The following MLIP variants were observed in gnomAD, a reference collection of about 807,000 sequenced individuals.
The protein encoded by MLIP is muscular LMNA interacting protein.
A neutral mutation model predicts 84.8 loss-of-function variants in MLIP; 79 were observed. The observed-to-expected ratio is 0.93, with a 90% CI of 0.78 to 1.12. MLIP has a LOEUF of 1.12. Among genes scored for constraint, MLIP ranks in the 50% most tolerant of loss-of-function variants. MLIP has a pLI of 0.00. For synonymous variants in MLIP, 504 were observed against 463.0 expected (o/e 1.09, Z -1.14); for missense variants, 1,257 against 1,160.6 (o/e 1.08, Z -1.21).
chr6:54,117,949 C>CAAA (rs1770094775), intron 1 of MLIP, among the ~76,000 whole-genome samples: 2 of 126,466 alleles, frequency 1.6e-5, no homozygotes, highest in Non-Finnish European at 3.2e-5. Context: ...TGTCTCAAAA[C>CAAA]AACAACAACA....
At chr6:54,262,244 G>A (rs1460028877) in intron 13 of MLIP, among the ~76,000 whole-genome samples, 1 of 152,012 alleles carries the variant, frequency 6.6e-6, no homozygotes, top group Non-Finnish European at 1.5e-5. Flanking sequence ...TAGGGTAGTA[G>A]AGAAAGAAAA....
At chr6:54,250,734 A>T (rs1467769386) in intron 12 of MLIP, among the ~76,000 whole-genome samples, 1 of 152,048 alleles carries the variant, frequency 6.6e-6, no homozygotes, top group East Asian at 1.9e-4. Flanking sequence ...CTATTTTTCA[A>T]CCAGCCCAAT....
chr6:54,232,824 T>C (rs758652141), intron 12 of MLIP, among the ~76,000 whole-genome samples: 1 of 152,178 alleles, frequency 6.6e-6, no homozygotes, highest in Non-Finnish European at 1.5e-5. Flanking sequence ...ATCTCCAAAC[T>C]CAAATCTTCC....
chr6:54,234,104 G>A (rs184484094), intron 12 of MLIP, among the ~76,000 whole-genome samples: 12 of 151,982 alleles, frequency 7.9e-5, no homozygotes, highest in African/African-American at 2.9e-4. Context: ...TTAGCCCTTT[G>A]ACAGAAGGAT....
chr6:54,128,238 A>T (rs959663407), intron 3 of MLIP, among the ~76,000 whole-genome samples: 7 of 152,162 alleles, frequency 4.6e-5, no homozygotes, highest in Admixed American at 2.0e-4. Context: ...GATATCTAGA[A>T]AGAAGTTGGA....
intron 13 of MLIP, among the ~76,000 whole-genome samples, chr6:54,260,033 C>A (rs1783279164): frequency 6.6e-6 from 1 of 151,800 alleles, no homozygotes; most frequent in African/African-American, 2.4e-5. Flanking sequence ...TATGGAAAAG[C>A]CCTTGATGGT....
chr6:54,025,321 G>A (rs1211589776), intron 1 of MLIP, among the ~76,000 whole-genome samples: 1 of 152,116 alleles, frequency 6.6e-6, no homozygotes, highest in Non-Finnish European at 1.5e-5. Flanking sequence ...ATTACTTTCC[G>A]TATGGCTTGA....
Position 54,124,625 on chromosome 6 carries a change from C to T in MLIP, c.405C>T (p.Leu135=). The T allele has an allele frequency of 6.2e-7, 1 of 1,614,168 alleles. No homozygotes were observed. The highest frequency in any genetic ancestry group is 8.5e-7 in the Non-Finnish European group (1 of 1,180,028). Residue 135 remains leucine (L), a synonymous_variant, in exon 3 of 14, where the codon CTC becomes CTT. Transcript: ENST00000502396. ...NKLQGMQQSD[L]FKAEYVLIVD... The stretch of plus-strand genomic sequence containing the variant: ...TTCAAGGGATGCAGCAAAGTGACCT[C>T]TTCAAAGCTGAATATGTCCTTATTG...
At chr6:54,205,442 AC>A (rs555838908) in intron 11 of MLIP, among the ~76,000 whole-genome samples, 22 of 152,350 alleles carry the variant, frequency 1.4e-4, no homozygotes, top group African/African-American at 5.3e-4. Context: ...GTTCCACATG[AC>A]AGGAGATGTT....
At chr6:54,093,448 G>A (rs1424544634) in intron 1 of MLIP, among the ~76,000 whole-genome samples, 1 of 151,094 alleles carries the variant, frequency 6.6e-6, no homozygotes, top group African/African-American at 2.4e-5. Context: ...TGATAGTCAT[G>A]ACTTGTGGTT....
intron 1 of MLIP, among the ~76,000 whole-genome samples, chr6:54,049,895 T>C (rs1765279347): frequency 6.6e-6 from 1 of 152,200 alleles, no homozygotes; most frequent in African/African-American, 2.4e-5. Flanking sequence ...TAAAAATATA[T>C]TGTGTAAAAC....
intron 1 of MLIP, among the ~76,000 whole-genome samples, chr6:54,073,496 C>A (rs556742258): frequency 6.6e-6 from 1 of 152,088 alleles, no homozygotes; most frequent in Non-Finnish European, 1.5e-5. Flanking sequence ...TAGTCCTAAA[C>A]GCATGTACTT....
intron 12 of MLIP, among the ~76,000 whole-genome samples, chr6:54,253,476 C>T (rs1043836376): frequency 5.9e-5 from 9 of 152,058 alleles, no homozygotes; most frequent in African/African-American, 2.2e-4. Flanking sequence ...TTCGGGCAGT[C>T]CAGAAAACAT....
At chr6:54,173,578 C>A (rs1038658745) in intron 9 of MLIP, among the ~76,000 whole-genome samples, 4 of 151,564 alleles carry the variant, frequency 2.6e-5, no homozygotes, top group Admixed American at 2.6e-4. Context: ...CCTTTCTAAG[C>A]AAATTTTCAT....
rs545564516 is a variant in MLIP at position 54,056,677 on chromosome 6, C to G, written c.63+37586C>G. On this transcript the variant is annotated intron_variant, in intron 1 of 12. Coordinates refer to the MLIP transcript ENST00000274897. ...AAACCCATCTCTAGAAGCTTGCCAG[C>G]AAGAATGCCTTTATTTCCACAGCTA... Among the ~76,000 whole-genome samples, 29 of 152,266 alleles carry G rather than the reference C, an allele frequency of 1.9e-4. No individual in the cohort carries two copies. The South Asian group carries it at 5.8e-3, about 30-fold the overall frequency.
intron 1 of MLIP, among the ~76,000 whole-genome samples, chr6:54,061,470 T>G (rs1264896347): frequency 6.6e-6 from 1 of 152,194 alleles, no homozygotes; most frequent in South Asian, 2.1e-4. Flanking sequence ...CAGTAGTATA[T>G]GCCCTTCCCT....
chr6:54,193,322 G>A (rs948582562), intron 10 of MLIP, among the ~76,000 whole-genome samples: 3 of 152,186 alleles, frequency 2.0e-5, no homozygotes, highest in African/African-American at 7.2e-5. Context: ...GGATTATTGT[G>A]AGGCTCACAT....
chr6:54,239,999 G>A (rs898666439), intron 12 of MLIP, among the ~76,000 whole-genome samples: 15 of 151,972 alleles, frequency 9.9e-5, no homozygotes, highest in South Asian at 2.1e-4. Flanking sequence ...GTTAAAATTC[G>A]TCTGCAGAGT....
chr6:54,242,231 G>C (rs1320914777), intron 12 of MLIP, among the ~76,000 whole-genome samples: 1 of 152,096 alleles, frequency 6.6e-6, no homozygotes, highest in African/African-American at 2.4e-5. Context: ...CTGCTTCTTA[G>C]GCCATGAGCA....
Sources: gnomAD v4.1 joint callset for allele counts (sites outside exome capture counted in the v4.1 genomes callset) on GRCh38, gnomAD v4.1.1 for gene constraint, MANE v1.5 for transcripts, NCBI Gene and HGNC (gene_info 2026-07-23, HGNC 2026-07-21) for gene names.